Variants in CNTN3 observed in about 807,000 individuals in gnomAD.
CNTN3 encodes the protein contactin 3, also known as contactin-3.
CNTN3 carries 60 observed loss-of-function variants against 119.1 expected under a neutral mutation model. The ratio of observed to expected loss-of-function variants is 0.50; its 90% confidence interval spans 0.41 to 0.62. CNTN3 has a LOEUF of 0.62. Ranked by LOEUF, CNTN3 falls within the 20% of genes least tolerant of loss-of-function variation. The pLI, the probability that CNTN3 is intolerant of heterozygous loss-of-function variation, is 0.00. For missense variants in CNTN3, 1,101 were observed against 1,242.4 expected (o/e 0.89, Z 1.71); for synonymous variants, 450 against 438.7 (o/e 1.03, Z -0.32).
chr3:74,286,468 T>C (rs78507002), intron 19 of CNTN3, among the ~76,000 whole-genome samples: 1,639 of 151,942 alleles, frequency 0.011, 14 homozygotes, highest in Middle Eastern at 0.02. Flanking sequence ...ATTAAAAAAA[T>C]AAAATCAATG....
In CNTN3 at chr3:74,551,447, T is replaced by C. The variant is rs143679511; in HGVS notation, c.-80-30255A>G. The stretch of plus-strand genomic sequence containing the variant: ...AATATCCCCAACCAGGGTGGTACAT[T>C]TGTTATAACTGATGAGCCTACACTG... On this transcript the variant is annotated intron_variant, in intron 1 of 22. Coordinates refer to ENST00000263665, the MANE Select transcript of CNTN3 (RefSeq NM_020872.3). Among the ~76,000 whole-genome samples the C allele has an allele frequency of 2.0e-3, 299 of 152,124 alleles. 1 individual carries two copies. In the Middle Eastern group the frequency reaches 0.044, roughly 22 times the overall value.
intron 11 of CNTN3, among the ~76,000 whole-genome samples, chr3:74,356,527 G>T (rs1456248222): frequency 6.6e-6 from 1 of 152,028 alleles, no homozygotes. Flanking sequence ...TATTGTACCT[G>T]TCCTGTTACC....
chr3:74,523,875 A>C (rs1163984911), intron 1 of CNTN3, among the ~76,000 whole-genome samples: 2 of 151,932 alleles, frequency 1.3e-5, no homozygotes, highest in African/African-American at 2.4e-5. Context: ...TGAAGGTAGA[A>C]CCACAGTTAA....
chr3:74,302,035 C>T (rs1410612744), intron 14 of CNTN3, among the ~76,000 whole-genome samples: 2 of 152,142 alleles, frequency 1.3e-5, no homozygotes, highest in Non-Finnish European at 2.9e-5. Context: ...GGCAGTAATT[C>T]CCAAACCATA....
chr3:74,517,201 C>CA (rs1273770040), intron 2 of CNTN3, among the ~76,000 whole-genome samples: 7 of 151,928 alleles, frequency 4.6e-5, no homozygotes, highest in Non-Finnish European at 1.0e-4. Context: ...TAGGCCAAAC[C>CA]AATGTATAAC....
At chr3:74,453,740 A>G (rs1702206752) in intron 4 of CNTN3, among the ~76,000 whole-genome samples, 1 of 151,040 alleles carries the variant, frequency 6.6e-6, no homozygotes, top group Non-Finnish European at 1.5e-5. Flanking sequence ...GGTTTCAAAG[A>G]ACATCTTTAT....
chr3:74,541,357 G>T (rs942530007), intron 1 of CNTN3, among the ~76,000 whole-genome samples: 12 of 151,940 alleles, frequency 7.9e-5, no homozygotes, highest in Non-Finnish European at 1.6e-4. Context: ...TCAATAAGTG[G>T]GCAGATAAAT....
chr3:74,389,145 ATATT>A (rs1704831186), intron 5 of CNTN3, among the ~76,000 whole-genome samples: 1 of 152,206 alleles, frequency 6.6e-6, no homozygotes, highest in Admixed American at 6.5e-5. Flanking sequence ...ATATGAGTAG[ATATT>A]TATAGGCAAA....
At chr3:74,441,343 T>C (rs1278631838) in intron 4 of CNTN3, among the ~76,000 whole-genome samples, 6 of 152,192 alleles carry the variant, frequency 3.9e-5, no homozygotes, top group African/African-American at 9.6e-5. Flanking sequence ...GCTATCAGTA[T>C]ACCTCTGAAT....
At chr3:74,394,091 T>C (rs1704985698) in intron 5 of CNTN3, among the ~76,000 whole-genome samples, 1 of 152,194 alleles carries the variant, frequency 6.6e-6, no homozygotes, top group Non-Finnish European at 1.5e-5. Context: ...ACTTATCTAA[T>C]TAGAGAAGTC....
chr3:74,304,130 A>C (rs774403454), intron 13 of CNTN3, among the ~76,000 whole-genome samples: 4 of 152,168 alleles, frequency 2.6e-5, no homozygotes, highest in Non-Finnish European at 5.9e-5. Context: ...TAGGATTCTT[A>C]ATGGGTTGCA....
chr3:74,271,585 GATTA>G (rs1305227611), intron 20 of CNTN3, among the ~76,000 whole-genome samples: 1 of 152,134 alleles, frequency 6.6e-6, no homozygotes, highest in East Asian at 1.9e-4. Context: ...TGTTTGCTGT[GATTA>G]ATTATACAAA....
intron 1 of CNTN3, among the ~76,000 whole-genome samples, chr3:74,605,789 G>A (rs76464435): frequency 0.047 from 7,082 of 152,170 alleles, 236 homozygotes; most frequent in South Asian, 0.12. Flanking sequence ...TCACAATAAC[G>A]TCAGTTGAGC....
chr3:74,531,051 G>C (rs1314293353), intron 1 of CNTN3, among the ~76,000 whole-genome samples: 1 of 151,950 alleles, frequency 6.6e-6, no homozygotes, highest in South Asian at 2.1e-4. Flanking sequence ...TGGAATTACC[G>C]AGTTAGGAGG....
intron 11 of CNTN3, among the ~76,000 whole-genome samples, chr3:74,338,272 C>T (rs1245330625): frequency 6.6e-6 from 1 of 151,908 alleles, no homozygotes; most frequent in Non-Finnish European, 1.5e-5. Flanking sequence ...TGAAGGATCT[C>T]AATCTGTAAA....
chr3:74,563,016 T>C (rs936649461), intron 1 of CNTN3, among the ~76,000 whole-genome samples: 9 of 152,098 alleles, frequency 5.9e-5, no homozygotes, highest in Admixed American at 6.6e-5. Flanking sequence ...GTCAATTAGA[T>C]TGCCTGATTA....
chr3:74,462,441 T>C (rs1393510425), intron 4 of CNTN3, among the ~76,000 whole-genome samples: 1 of 152,056 alleles, frequency 6.6e-6, no homozygotes, highest in African/African-American at 2.4e-5. Context: ...TCTATGCCTT[T>C]GTTTTAAAAT....
At chr3:74,393,626 C>A (rs1402908247) in intron 5 of CNTN3, among the ~76,000 whole-genome samples, 1 of 152,112 alleles carries the variant, frequency 6.6e-6, no homozygotes, top group Non-Finnish European at 1.5e-5. Context: ...TGCCCTCAGG[C>A]AGGACTGAGG....
chr3:74,517,012 C>T (rs1055266436), intron 2 of CNTN3, among the ~76,000 whole-genome samples: 1 of 151,870 alleles, frequency 6.6e-6, no homozygotes, highest in Non-Finnish European at 1.5e-5. Flanking sequence ...TAAATTTCTT[C>T]CTGAGGGCCC....
Sources: allele counts gnomAD v4.1 joint callset (sites outside exome capture counted in the v4.1 genomes callset), GRCh38; gene constraint gnomAD v4.1.1; transcripts MANE v1.5; gene names NCBI Gene and HGNC (gene_info 2026-07-23, HGNC 2026-07-21).